The following NMNAT2 variants were observed in gnomAD, a reference collection of about 807,000 sequenced individuals.
The protein encoded by NMNAT2 is nicotinamide nucleotide adenylyltransferase 2, also known as nicotinamide/nicotinic acid mononucleotide adenylyltransferase 2.
A neutral mutation model predicts 41.6 loss-of-function variants in NMNAT2; 11 were observed. That is an observed-to-expected ratio of 0.26 (90% CI 0.17 to 0.44). The LOEUF (loss-of-function observed/expected upper bound fraction) is 0.44. Among genes scored for constraint, NMNAT2 ranks in the 20% least tolerant of loss-of-function variants. The pLI is 1.00. For missense variants in NMNAT2, 288 were observed against 407.7 expected (o/e 0.71, Z 2.53); for synonymous variants, 148 against 151.2 (o/e 0.98, Z 0.16).
chr1:183,402,294 G>A (rs1648833740), intron 1 of NMNAT2, among the ~76,000 whole-genome samples: 1 of 152,124 alleles, frequency 6.6e-6, no homozygotes, highest in Non-Finnish European at 1.5e-5. Context: ...AGACTCAGAT[G>A]GTGCCAAAGA....
At chr1:183,339,695 G>A (rs566101612) in intron 1 of NMNAT2, among the ~76,000 whole-genome samples, 6 of 152,176 alleles carry the variant, frequency 3.9e-5, no homozygotes, top group Admixed American at 6.5e-5. Flanking sequence ...CAGCATTGAC[G>A]TGGCTTATCT....
At chr1:183,318,025 C>T (rs920915910) in intron 1 of NMNAT2, among the ~76,000 whole-genome samples, 1 of 152,198 alleles carries the variant, frequency 6.6e-6, no homozygotes, top group Non-Finnish European at 1.5e-5. Context: ...GTCTGAGTGT[C>T]TATTATGTTC....
At chr1:183,375,798 T>TA (rs35642059) in intron 1 of NMNAT2, among the ~76,000 whole-genome samples, 77,306 of 152,008 alleles carry the variant, frequency 0.51, 20,965 homozygotes, top group East Asian at 0.64. Flanking sequence ...TCAGAGTACT[T>TA]ATGAGTCAAT....
intron 1 of NMNAT2, among the ~76,000 whole-genome samples, chr1:183,334,516 CTT>C (rs780867339): frequency 6.8e-6 from 1 of 147,306 alleles, no homozygotes. Flanking sequence ...GCCACCCATT[CTT>C]TTTTTTTTTC....
chr1:183,366,462 C>T (rs1245071364), intron 1 of NMNAT2, among the ~76,000 whole-genome samples: 2 of 152,238 alleles, frequency 1.3e-5, no homozygotes, highest in African/African-American at 2.4e-5. Context: ...AAGCTAAGCA[C>T]TCTGCTAGCC....
chr1:183,346,365 C>T (rs922888202), intron 1 of NMNAT2, among the ~76,000 whole-genome samples: 2 of 152,180 alleles, frequency 1.3e-5, no homozygotes, highest in Non-Finnish European at 2.9e-5. Context: ...TGTTGTCATC[C>T]CCAGTGACCC....
Position 183,261,188 on chromosome 1 carries a change from G to T in NMNAT2, c.753+14C>A, listed in dbSNP as rs374114417. On this transcript the variant is annotated intron_variant, in intron 9 of 10. Transcript: ENST00000287713. ...GGCCATAACACAGATGCACTAGCAG[G>T]ATGGAGGACTCACTTTGTATTTGCG... is the stretch of plus-strand genomic sequence containing the variant. The T allele has an allele frequency of 1.9e-6, 3 of 1,612,188 alleles. No homozygotes were observed. The highest frequency in any genetic ancestry group is 2.5e-6 in the Non-Finnish European group (3 of 1,178,302).
intron 1 of NMNAT2, among the ~76,000 whole-genome samples, chr1:183,379,117 T>C (rs3122177): frequency 0.42 from 63,028 of 151,130 alleles, 13,886 homozygotes; most frequent in East Asian, 0.64. Context: ...TCTCTCTCTC[T>C]ATATAGCAGA....
At chr1:183,341,748 C>CAAAAAAA (rs369432128) in intron 1 of NMNAT2, among the ~76,000 whole-genome samples, 8 of 79,840 alleles carry the variant, frequency 1.0e-4, no homozygotes, top group Admixed American at 6.1e-4. Context: ...AAAAAAAAAA[C>CAAAAAAA]CTGTTTCCTT....
At chr1:183,356,107 A>C (rs920652542) in intron 1 of NMNAT2, among the ~76,000 whole-genome samples, 2 of 152,216 alleles carry the variant, frequency 1.3e-5, no homozygotes, top group African/African-American at 4.8e-5. Context: ...GTCTGACACT[A>C]TTGAGAGGTG....
intron 1 of NMNAT2, among the ~76,000 whole-genome samples, chr1:183,299,420 T>C (rs542403564): frequency 3.3e-5 from 5 of 152,270 alleles, no homozygotes; most frequent in African/African-American, 7.2e-5. Context: ...TATTGATATG[T>C]GCAAGAATTT....
intron 1 of NMNAT2, among the ~76,000 whole-genome samples, chr1:183,417,292 G>GC (rs1223607076): frequency 6.6e-6 from 1 of 151,784 alleles, no homozygotes; most frequent in Non-Finnish European, 1.5e-5. Flanking sequence ...CTGACTCCAC[G>GC]CCCCAAAGCT....
intron 8 of NMNAT2, among the ~76,000 whole-genome samples, chr1:183,269,647 C>G (rs1436558160): frequency 6.6e-6 from 1 of 152,244 alleles, no homozygotes; most frequent in African/African-American, 2.4e-5. Flanking sequence ...GTGCCATGCA[C>G]AGTACTAGGA....
intron 1 of NMNAT2, among the ~76,000 whole-genome samples, chr1:183,410,613 T>C (rs1480007582): frequency 1.3e-5 from 2 of 152,216 alleles, no homozygotes; most frequent in South Asian, 2.1e-4. Context: ...TTTCTGGCTC[T>C]CTCATCTGTC....
intron 1 of NMNAT2, among the ~76,000 whole-genome samples, chr1:183,308,095 C>G (rs181905112): frequency 6.6e-6 from 1 of 152,132 alleles, no homozygotes; most frequent in Admixed American, 6.5e-5. Context: ...GTTTCTGCTG[C>G]GATGGATGAC....
intron 1 of NMNAT2, among the ~76,000 whole-genome samples, chr1:183,348,565 G>A (rs764585200): frequency 3.9e-5 from 6 of 152,156 alleles, no homozygotes; most frequent in Non-Finnish European, 8.8e-5. Context: ...TGGAGAAAAT[G>A]TAAACATTTT....
chr1:183,327,412 T>G lies in NMNAT2; in HGVS notation c.86-33619A>C, dbSNP rs192488397. Among the ~76,000 whole-genome samples, 13 of 152,288 alleles carry G rather than the reference T, an allele frequency of 8.5e-5. No individual in the cohort carries two copies. In the East Asian group the frequency reaches 2.1e-3, roughly 25 times the overall value. On this transcript the variant is annotated intron_variant, in intron 1 of 10. Transcript: ENST00000287713. ...AGACAGACATTTAAGATAACTTCTC[T>G]CAGTTCACACAGCGAATTATGAAGA...
At chr1:183,273,280 C>G (rs1370414767) in intron 8 of NMNAT2, among the ~76,000 whole-genome samples, 1 of 152,210 alleles carries the variant, frequency 6.6e-6, no homozygotes, top group Non-Finnish European at 1.5e-5. Context: ...CAATTAAACT[C>G]TTTTAAATGT....
intron 1 of NMNAT2, among the ~76,000 whole-genome samples, chr1:183,345,736 G>A (rs1305751223): frequency 6.6e-6 from 1 of 150,600 alleles, no homozygotes; most frequent in Non-Finnish European, 1.5e-5. Flanking sequence ...GCCCAGGCTG[G>A]AGCGCAGTGG....
Sources: gnomAD v4.1 joint callset for allele counts (sites outside exome capture counted in the v4.1 genomes callset) on GRCh38, gnomAD v4.1.1 for gene constraint, MANE v1.5 for transcripts, NCBI Gene and HGNC (gene_info 2026-07-23, HGNC 2026-07-21) for gene names.